The following FHOD3 variants were observed in gnomAD, a reference collection of about 807,000 sequenced individuals.
FHOD3 encodes the protein FH1/FH2 domain-containing protein 3.
Under a neutral mutation model 173.0 loss-of-function variants are expected in FHOD3, and 90 were observed. The ratio of observed to expected loss-of-function variants is 0.52; its 90% CI spans 0.44 to 0.62. The LOEUF is 0.62. Among genes scored for constraint, FHOD3 ranks in the 20% least tolerant of loss-of-function variants. The probability of loss-of-function intolerance (pLI) is 0.00; values close to 1 mark genes in which losing one functional copy is unlikely to be tolerated. For synonymous variants in FHOD3, 828 were observed against 823.0 expected (o/e 1.01, Z -0.10); for missense variants, 1,945 against 2,034.7 (o/e 0.96, Z 0.85).
At chr18:36,441,749 T>C (rs1308275108) in intron 3 of FHOD3, among the ~76,000 whole-genome samples, 1 of 152,218 alleles carries the variant, frequency 6.6e-6, no homozygotes, top group African/African-American at 2.4e-5. Flanking sequence ...AAGTGCCATC[T>C]CTTCATCACA....
chr18:36,314,800 A>G (rs1196215637), intron 1 of FHOD3, among the ~76,000 whole-genome samples: 1 of 152,158 alleles, frequency 6.6e-6, no homozygotes, highest in African/African-American at 2.4e-5. Flanking sequence ...CTCCTTGTCT[A>G]GGGATCCTGA....
intron 17 of FHOD3, among the ~76,000 whole-genome samples, chr18:36,701,274 T>C (rs953994571): frequency 6.6e-6 from 1 of 152,204 alleles, no homozygotes; most frequent in African/African-American, 2.4e-5. Flanking sequence ...AAGGACTGAA[T>C]AAATGATGTT....
intron 6 of FHOD3, among the ~76,000 whole-genome samples, chr18:36,578,178 T>A (rs1482977250): frequency 1.3e-5 from 2 of 152,160 alleles, no homozygotes; most frequent in Non-Finnish European, 2.9e-5. Flanking sequence ...AAGACATACC[T>A]GAGACTGGGT....
At chr18:36,384,585 AG>A (rs1411241989) in intron 3 of FHOD3, among the ~76,000 whole-genome samples, 3 of 151,480 alleles carry the variant, frequency 2.0e-5, no homozygotes, top group African/African-American at 7.3e-5. Context: ...AAAAAAAAAA[AG>A]GATTAAAGAA....
chr18:36,667,966 G>A (rs2037292036), intron 14 of FHOD3, among the ~76,000 whole-genome samples: 1 of 152,142 alleles, frequency 6.6e-6, no homozygotes, highest in South Asian at 2.1e-4. Flanking sequence ...TATGGCAGGT[G>A]GATGTTTAGC....
intron 1 of FHOD3, among the ~76,000 whole-genome samples, chr18:36,348,805 G>A (rs1735568787): frequency 6.6e-6 from 1 of 152,130 alleles, no homozygotes; most frequent in African/African-American, 2.4e-5. Flanking sequence ...TTGCTCTGTG[G>A]CATGTCAGGG....
chr18:36,716,773 A>C (rs891330229), intron 18 of FHOD3, among the ~76,000 whole-genome samples: 1 of 152,316 alleles, frequency 6.6e-6, no homozygotes, highest in African/African-American at 2.4e-5. Context: ...TCCAAGAGAA[A>C]AGAAAAAGAG....
rs756604100 is a variant in FHOD3, at chr18:36,744,162, C to T, written c.4010C>T (p.Ser1337Leu). 8.7e-6 allele frequency: 14 copies of T among 1,613,870 alleles called. No homozygotes were observed. The highest frequency in any genetic ancestry group is 5.0e-5 in the Admixed American group (3 of 59,980). ...ENFPDSSDLYSEIGAITRSAK... is the reference protein window; with the variant it reads ...ENFPDSSDLYLEIGAITRSAK... Reference sequence around the variant, plus strand: ...TTCCCAGACAGCTCCGATCTGTACTCGGAGATCGGGGCCATCACCAGGTCA... The same window carrying T: ...TTCCCAGACAGCTCCGATCTGTACTTGGAGATCGGGGCCATCACCAGGTCA... Residue 1337 changes from serine (S) to leucine (L), a missense_variant, in exon 23 of 29, where the codon TCG becomes TTG. Physicochemically the swap from Ser to Leu is moderately radical, Grantham distance 145. Transcript: ENST00000590592.
intron 18 of FHOD3, chr18:36,710,569 G>A (rs1487294451): frequency 6.6e-6 from 1 of 152,150 alleles, no homozygotes; most frequent in Non-Finnish European, 1.5e-5. Flanking sequence ...TTCCCAGTTA[G>A]AATATACTAC....
chr18:36,514,504 C>T (rs967269268), intron 5 of FHOD3, among the ~76,000 whole-genome samples: 14 of 152,066 alleles, frequency 9.2e-5, no homozygotes, highest in Non-Finnish European at 1.3e-4. Flanking sequence ...GTTTATTTTC[C>T]GGGTATAATA....
At chr18:36,779,272 C>G (rs2043925657) in intron 28 of FHOD3, 176 bp from the exon 29 acceptor site, 1 of 596,568 alleles carries the variant, frequency 1.7e-6, no homozygotes, top group Non-Finnish European at 2.9e-6. Context: ...TTTGTCCTGG[C>G]AGACAGACTG....
chr18:36,459,459 G>A (rs1472136317), intron 3 of FHOD3, among the ~76,000 whole-genome samples: 3 of 152,136 alleles, frequency 2.0e-5, no homozygotes, highest in Admixed American at 1.3e-4. Context: ...TTAGGTGAGG[G>A]GAGTACCTTG....
intron 1 of FHOD3, among the ~76,000 whole-genome samples, chr18:36,303,003 C>T (rs2091994012): frequency 6.6e-6 from 1 of 152,212 alleles, no homozygotes; most frequent in South Asian, 2.1e-4. Context: ...GCCAGACATC[C>T]AGCAGGTGCT....
chr18:36,383,724 G>C (rs1469006709), intron 3 of FHOD3, among the ~76,000 whole-genome samples: 1 of 152,214 alleles, frequency 6.6e-6, no homozygotes, highest in Non-Finnish European at 1.5e-5. Flanking sequence ...AATCCAAACA[G>C]TAACCTATGA....
chr18:36,332,293 T>C (rs1324933731), intron 1 of FHOD3, among the ~76,000 whole-genome samples: 3 of 152,212 alleles, frequency 2.0e-5, no homozygotes, highest in Admixed American at 1.3e-4. Context: ...GGCACCTTGC[T>C]CCAGGTGGCC....
At position 36,717,825 on chromosome 18, in the gene FHOD3, C is replaced by T; in HGVS notation, c.2534-7C>T. On this transcript the variant is annotated splice_region_variant and splice_polypyrimidine_tract_variant and intron_variant, in intron 18 of 28. Transcript: ENST00000590592. ...CTTTCTCATTTTTCTCTCCCATGTA[C>T]TTTCAGGTTTGTGGCCCGCAGGTGT... 6.4e-7 allele frequency: 1 copy of T among 1,556,234 alleles called. No homozygotes were observed. The highest frequency in any genetic ancestry group is 8.7e-7 in the Non-Finnish European group (1 of 1,150,528).
intron 5 of FHOD3, among the ~76,000 whole-genome samples, chr18:36,555,391 A>AAG (rs1426437065): frequency 1.3e-5 from 2 of 151,726 alleles, no homozygotes; most frequent in African/African-American, 4.8e-5. Context: ...TGTGGTAAAA[A>AAG]AAAAAACAAA....
chr18:36,497,988 G>C (rs1224673194), intron 3 of FHOD3, among the ~76,000 whole-genome samples: 2 of 152,108 alleles, frequency 1.3e-5, no homozygotes, highest in Non-Finnish European at 2.9e-5. Flanking sequence ...TAAAAGATTT[G>C]ATAAAGTATA....
intron 3 of FHOD3, among the ~76,000 whole-genome samples, chr18:36,461,926 G>T (rs1363311113): frequency 6.6e-6 from 1 of 152,130 alleles, no homozygotes; most frequent in Admixed American, 6.5e-5. Context: ...TTCTAAGCTT[G>T]AGGTTTTCAT....
Sources: gnomAD v4.1 joint callset for allele counts (sites outside exome capture counted in the v4.1 genomes callset) on GRCh38, gnomAD v4.1.1 for gene constraint, MANE v1.5 for transcripts, NCBI Gene and HGNC (gene_info 2026-07-23, HGNC 2026-07-21) for gene names.